Variants in TOP3B observed in about 807,000 individuals in gnomAD.
TOP3B encodes DNA topoisomerase 3-beta-1.
In TOP3B, 45 loss-of-function variants were observed where a neutral mutation model predicts 93.9. That is an observed-to-expected ratio of 0.48 (90% CI 0.38 to 0.61). The LOEUF is 0.61. Among genes scored for constraint, TOP3B ranks in the 20% least tolerant of loss-of-function variants. TOP3B has a pLI of 0.00. For synonymous variants in TOP3B, 357 were observed against 472.6 expected, an observed-to-expected ratio of 0.76 and a Z score of 3.17; for missense variants, 750 against 1,156.1, an observed-to-expected ratio of 0.65 and a Z score of 5.09.
intron 16 of TOP3B, 181 bp downstream of exon 16, chr22:21,958,951 C>T: frequency 2.8e-6 from 3 of 1,071,328 alleles, no homozygotes; most frequent in Non-Finnish European, 3.9e-6. Context: ...GTTTGCGTGG[C>T]CTAATGGCTG....
rs1040660437 is a variant in TOP3B at position 21,971,141 on chromosome 22, G to T, written c.385-735C>A. 2 of 906,470 alleles carry T rather than the reference G, an allele frequency of 2.2e-6. No homozygotes were observed. Among genetic ancestry groups the T allele is most frequent in the African/African-American group, 1.8e-5 (1 of 57,016 alleles). The allele number at this position is 906,470 out of a possible 1,614,324, so 56.2% of individuals were successfully genotyped here. A position where few individuals can be genotyped will look rare whatever the true frequency, so the allele number is the denominator to read the frequency against. Reference sequence around the variant, plus strand: ...GCCCCCAGGGAGGAGCCGCCCTGCAGGGGAGGAGAGGGTATCTGGGAAGAG... The same window carrying T: ...GCCCCCAGGGAGGAGCCGCCCTGCATGGGAGGAGAGGGTATCTGGGAAGAG... On this transcript the variant is annotated intron_variant, in intron 5 of 17. Transcript: ENST00000357179. The surrounding 1 kb of genome is among the most constrained non-coding windows in gnomAD (Gnocchi z 4.6).
chr22:21,974,479 G>T lies in TOP3B; in HGVS notation c.80C>A (p.Ser27Tyr), dbSNP rs1449859414. 1 of 1,609,300 alleles carries T rather than the reference G, an allele frequency of 6.2e-7. No individual in the cohort carries two copies. The highest frequency in any genetic ancestry group is 2.2e-5 in the East Asian group (1 of 44,586). ...GGCCCCGTTCAGCCCTTTGTGTGAG[G>T]ACAGGCTCCCTGGGGATGAGGAAGC... ...IAKILSRGSL[S>Y]SHKGLNGACS... The change falls in exon 3 of 18, where the codon TCC (serine) becomes TAC (tyrosine). Residue 27 changes from serine (S) to tyrosine (Y), a missense_variant. By Grantham distance (144) the Ser-to-Tyr change is moderately radical (BLOSUM62 -2). Transcript: ENST00000357179.
intron 14 of TOP3B, chr22:21,959,990 C>T: frequency 1.6e-6 from 1 of 624,450 alleles, no homozygotes; most frequent in Non-Finnish European, 2.8e-6. Context: ...CCACATCACA[C>T]ATGAGCTCCA....
In TOP3B at chr22:21,973,140, C is replaced by T. The variant is rs2071713379; in HGVS notation, c.203-422G>A. 5 of 273,108 alleles carry T rather than the reference C, an allele frequency of 1.8e-5. No individual in the cohort carries two copies. In the Admixed American group the frequency reaches 2.5e-4, roughly 14 times the overall value. The allele number at this position is 273,108 out of a possible 1,614,324, so 16.9% of individuals were successfully genotyped here. A position where few individuals can be genotyped will look rare whatever the true frequency, so the allele number is the denominator to read the frequency against. ...TGGAACTTTGTCCTTCCACCCAGCACTCTGTGGGGGCACACATGTGTGCAG... is the reference window on the plus strand; with the variant it reads ...TGGAACTTTGTCCTTCCACCCAGCATTCTGTGGGGGCACACATGTGTGCAG... On this transcript the variant is annotated intron_variant, in intron 3 of 17. Coordinates refer to ENST00000357179, the MANE Select transcript of TOP3B (RefSeq NM_001282112.2).
chr22:21,964,305 C>A lies in TOP3B; in HGVS notation c.954G>T (p.Pro318=). ...GCTCAGCCGTCTGCATGGCGTGCTG[C>A]GGCCCCATGCCTGCGAGAGACAGGA... The part of the protein sequence containing the change: ...RVASSSLGMG[P]QHAMQTAERL... The change falls in exon 10 of 18, where the codon CCG becomes CCT. Residue 318 remains proline (P), a synonymous_variant. Coordinates refer to ENST00000357179, the MANE Select transcript of TOP3B (RefSeq NM_001282112.2). 1 of 1,613,680 alleles carries A rather than the reference C, an allele frequency of 6.2e-7. No homozygotes were observed. Among genetic ancestry groups the A allele is most frequent in the Non-Finnish European group, 8.5e-7 (1 of 1,179,990 alleles).
Position 21,959,750 on chromosome 22 carries a change from G to C in TOP3B, c.1655-14C>G, listed in dbSNP as rs543114400. The C allele has an allele frequency of 6.2e-6, 10 of 1,611,028 alleles. No individual in the cohort carries two copies. In the African/African-American group the frequency reaches 1.1e-4, roughly 17 times the overall value. On this transcript the variant is annotated splice_polypyrimidine_tract_variant and intron_variant, in intron 14 of 17. Transcript: ENST00000357179. ...CCAGCTCTGCATCTGCAAGTGGGCA[G>C]GGGGCAGATATTGCCCTGAGCACTC...
Position 21,963,228 on chromosome 22 carries a change from C to A in TOP3B, c.1205-335G>T, listed in dbSNP as rs979881380. ...GTGGGAGCCTGTAATCCCAGCTACTCGGGGGGCTGAGGCAGGGTGAACTGC... is the reference window on the plus strand; with the variant it reads ...GTGGGAGCCTGTAATCCCAGCTACTAGGGGGGCTGAGGCAGGGTGAACTGC... On this transcript the variant is annotated intron_variant, in intron 11 of 17. Transcript: ENST00000357179. This position sits in a 1 kb window ranked among gnomAD's most constrained non-coding sequence, Gnocchi z 4.8. The A allele has an allele frequency of 1.7e-5, 4 of 238,458 alleles. No individual in the cohort carries two copies. The highest frequency in any genetic ancestry group is 1.0e-4 in the Admixed American group (2 of 20,052). The allele number at this position is 238,458 out of a possible 1,614,324, so 14.8% of individuals were successfully genotyped here.
chr22:21,965,628 A>G, intron 8 of TOP3B: 1 of 242,244 alleles, frequency 4.1e-6, no homozygotes, highest in Non-Finnish European at 7.9e-6. Context: ...GTACTTTGGG[A>G]GGCTGAGGCG....
At chr22:21,961,606 T>C (rs943108454) in intron 13 of TOP3B, 2 of 152,976 alleles carry the variant, frequency 1.3e-5, no homozygotes, top group African/African-American at 4.8e-5. Context: ...CCCAGAGCTC[T>C]GCTCTCCTGC....
intron 2 of TOP3B, 77 bp from the exon 3 acceptor site, chr22:21,974,565 C>A: frequency 6.8e-7 from 1 of 1,471,002 alleles, no homozygotes; most frequent in African/African-American, 1.4e-5. Flanking sequence ...GCCCGGATGC[C>A]ACCTCCCAGA....
chr22:21,972,737 G>A lies in TOP3B; in HGVS notation c.203-19C>T, dbSNP rs1425574529. On this transcript the variant is annotated intron_variant, in intron 3 of 17. Coordinates refer to ENST00000357179, the MANE Select transcript of TOP3B (RefSeq NM_001282112.2). ...TATTTTCCTACAAACCAGTCACAGT[G>A]ACATTGAGTCACAGGAGCTCAGCCT... The A allele has an allele frequency of 6.2e-7, 1 of 1,600,830 alleles. No individual in the cohort carries two copies. The highest frequency in any genetic ancestry group is 8.6e-7 in the Non-Finnish European group (1 of 1,168,630).
At chr22:21,972,838 G>T in intron 3 of TOP3B, 120 bp from the exon 4 acceptor site, 3 of 832,340 alleles carry the variant, frequency 3.6e-6, no homozygotes, top group Non-Finnish European at 5.9e-6. Context: ...AGAACAATTT[G>T]CCCAGGGTCA....
Position 21,975,763 on chromosome 22 carries a change from A to C in TOP3B, c.-54T>G, listed in dbSNP as rs2071842003. On this transcript the variant is annotated 5_prime_UTR_variant, in exon 2 of 18. Coordinates refer to ENST00000357179, the MANE Select transcript of TOP3B (RefSeq NM_001282112.2). Reference sequence around the variant, plus strand: ...CGGGGCACTGGCAATGAAAAAGTTTAGACTCCACTCTTCCGCAGCACAGCA... The same window carrying C: ...CGGGGCACTGGCAATGAAAAAGTTTCGACTCCACTCTTCCGCAGCACAGCA... 2 of 1,579,954 alleles carry C rather than the reference A, an allele frequency of 1.3e-6. No individual in the cohort carries two copies. The highest frequency in any genetic ancestry group is 1.7e-6 in the Non-Finnish European group (2 of 1,158,954).
chr22:21,970,195 G>T lies in TOP3B; in HGVS notation c.581+15C>A. 6.2e-7 allele frequency: 1 copy of T among 1,607,186 alleles called. No homozygotes were observed. The highest frequency in any genetic ancestry group is 1.8e-4 in the Middle Eastern group (1 of 5,504). Reference sequence around the variant, plus strand: ...AGTGAGGGTGTGCCCAGGACTCTGCGGGTGTGGCCAGCACCTGGTGAATGC... The same window carrying T: ...AGTGAGGGTGTGCCCAGGACTCTGCTGGTGTGGCCAGCACCTGGTGAATGC... On this transcript the variant is annotated intron_variant, in intron 6 of 17. Transcript: ENST00000357179. The surrounding 1 kb of genome is among the most constrained non-coding windows in gnomAD (Gnocchi z 4.4).
At chr22:21,957,819 C>T (rs1197563517) in intron 17 of TOP3B, 1 of 1,532,884 alleles carries the variant, frequency 6.5e-7, no homozygotes, top group Non-Finnish European at 8.7e-7. Context: ...CCCTCGCTGG[C>T]ACCATCCCAG....
intron 2 of TOP3B, 120 bp downstream of exon 2, chr22:21,975,520 T>C: frequency 8.5e-7 from 1 of 1,173,510 alleles, no homozygotes; most frequent in Middle Eastern, 2.5e-4. Flanking sequence ...GATGCTTCAT[T>C]ACCACCTGCC....
intron 13 of TOP3B, chr22:21,962,132 C>T: frequency 7.4e-7 from 1 of 1,345,144 alleles, no homozygotes; most frequent in Non-Finnish European, 9.6e-7. Context: ...AGTCACCTGG[C>T]ATCTGGGCCA....
chr22:21,972,191 A>G (rs1179738733), intron 4 of TOP3B: 6 of 532,962 alleles, frequency 1.1e-5, no homozygotes, highest in Non-Finnish European at 3.3e-6. Flanking sequence ...ACATGATCTT[A>G]TACCCCAAAA....
Position 21,971,605 on chromosome 22 carries a change from C to A in TOP3B, c.384+272G>T. 2.0e-6 allele frequency: 1 copy of A among 492,582 alleles called. No individual in the cohort carries two copies. Among genetic ancestry groups the A allele is most frequent in the Non-Finnish European group, 3.7e-6 (1 of 267,384 alleles). 30.5% of individuals were successfully genotyped at this position (492,582 alleles called of 1,614,324 possible). On this transcript the variant is annotated intron_variant, in intron 5 of 17. Coordinates refer to ENST00000357179, the MANE Select transcript of TOP3B (RefSeq NM_001282112.2). The surrounding 1 kb of genome is among the most constrained non-coding windows in gnomAD (Gnocchi z 4.6). ...CCCCAAGACAATCCCATTCTGAAAC[C>A]TGCATCCACCCAGACAATTTGGCCC...
Sources: gnomAD v4.1 joint callset for allele counts on GRCh38, gnomAD v4.1.1 for gene constraint, Gnocchi (gnomAD v3.1) non-coding constraint, MANE v1.5 for transcripts, NCBI Gene and HGNC (gene_info 2026-07-23, HGNC 2026-07-21) for gene names.